MAPT: variants seen among roughly 807,000 people sequenced by gnomAD.
The protein encoded by MAPT is microtubule-associated protein tau.
Under a neutral mutation model 67.9 loss-of-function variants are expected in MAPT, and 34 were observed. That is an observed-to-expected ratio of 0.50 (90% CI 0.38 to 0.67). The LOEUF (loss-of-function observed/expected upper bound fraction) is 0.67, where lower values mean the gene tolerates loss of function less well. Among genes scored for constraint, MAPT ranks in the 30% least tolerant of loss-of-function variants. The pLI is 0.00. For missense variants in MAPT, 881 were observed against 1,115.2 expected (o/e 0.79, Z 2.99); for synonymous variants, 456 against 464.5 (o/e 0.98, Z 0.23).
At chr17:45,999,202 G>A (rs2074775266) in intron 9 of MAPT, 1 of 1,527,352 alleles carries the variant, frequency 6.5e-7, no homozygotes, top group Non-Finnish European at 8.8e-7. Flanking sequence ...AGTCTTCCTG[G>A]ATTCCCCTCT....
chr17:45,981,860 A>G (rs1042379219), intron 4 of MAPT, among the ~76,000 whole-genome samples: 1 of 151,980 alleles, frequency 6.6e-6, no homozygotes, highest in African/African-American at 2.4e-5. Context: ...ACAAAAATGA[A>G]AAATAACATT....
At chr17:45,997,627 G>A (rs1252258536) in intron 9 of MAPT, among the ~76,000 whole-genome samples, 2 of 152,128 alleles carry the variant, frequency 1.3e-5, no homozygotes, top group Non-Finnish European at 2.9e-5. Context: ...CGTGGTGGTG[G>A]TGCGCGCCTA....
intron 1 of MAPT, among the ~76,000 whole-genome samples, chr17:45,930,474 GAACA>G (rs1267564634): frequency 6.6e-6 from 1 of 151,640 alleles, no homozygotes; most frequent in African/African-American, 2.4e-5. Context: ...GGTTCCTGGA[GAACA>G]AACAGACATG....
intron 1 of MAPT, among the ~76,000 whole-genome samples, chr17:45,928,368 C>A (rs562252757): frequency 4.6e-5 from 7 of 152,314 alleles, no homozygotes; most frequent in African/African-American, 1.7e-4. Context: ...GCAGAAACAT[C>A]ACTTCCTTGG....
intron 1 of MAPT, among the ~76,000 whole-genome samples, chr17:45,937,795 A>G (rs1261064415): frequency 1.3e-5 from 2 of 152,100 alleles, no homozygotes; most frequent in African/African-American, 2.4e-5. Context: ...GGCTGCCCCT[A>G]AATAGAAAGC....
At chr17:45,922,607 TAAAGG>T (rs1039711964) in intron 1 of MAPT, among the ~76,000 whole-genome samples, 2 of 152,078 alleles carry the variant, frequency 1.3e-5, no homozygotes, top group African/African-American at 4.8e-5. Flanking sequence ...AAATTTTTCT[TAAAGG>T]AGAGGATGCC....
chr17:46,019,316 C>A (rs2076380094), intron 12 of MAPT, among the ~76,000 whole-genome samples: 1 of 152,142 alleles, frequency 6.6e-6, no homozygotes, highest in Admixed American at 6.5e-5. Flanking sequence ...CCCACTGGGT[C>A]CCTCCCATGA....
chr17:45,943,810 A>T (rs1453980041), intron 1 of MAPT, among the ~76,000 whole-genome samples: 1 of 152,152 alleles, frequency 6.6e-6, no homozygotes, highest in Non-Finnish European at 1.5e-5. Context: ...GCTGGAAGGA[A>T]TGAGGAACAG....
At chr17:46,011,081 G>T (rs2075790596) in intron 10 of MAPT, among the ~76,000 whole-genome samples, 1 of 152,264 alleles carries the variant, frequency 6.6e-6, no homozygotes, top group Non-Finnish European at 1.5e-5. Flanking sequence ...GCAGAGAAAT[G>T]CTGCTTTTGG....
rs1254185291 is a variant in MAPT, at chr17:45,996,646, C to T, written c.1980C>T (p.His660=). 6.2e-7 allele frequency: 1 copy of T among 1,613,814 alleles called. No individual in the cohort carries two copies. The highest frequency in any genetic ancestry group is 8.5e-7 in the Non-Finnish European group (1 of 1,179,920). The change falls in exon 9 of 13, where the codon CAC becomes CAT. Residue 660 remains histidine, a synonymous_variant. Transcript: ENST00000262410. This position sits in a 1 kb window ranked among gnomAD's most constrained non-coding sequence, Gnocchi z 4.5. ...SKIGSTENLK[H]QPGGGKVQII... is the part of the protein sequence containing the mutation. ...TCGGCTCCACTGAGAACCTGAAGCACCAGCCGGGAGGCGGGAAGGTGAGAG... is the reference window on the plus strand; with the variant it reads ...TCGGCTCCACTGAGAACCTGAAGCATCAGCCGGGAGGCGGGAAGGTGAGAG...
intron 11 of MAPT, among the ~76,000 whole-genome samples, chr17:46,015,638 G>A (rs558676336): frequency 8.5e-5 from 13 of 152,302 alleles, no homozygotes; most frequent in Admixed American, 3.3e-4. Flanking sequence ...CAGCCTGGGC[G>A]AGAGAGTGAG....
At chr17:45,935,732 A>G (rs577879349) in intron 1 of MAPT, among the ~76,000 whole-genome samples, 1 of 152,178 alleles carries the variant, frequency 6.6e-6, no homozygotes, top group African/African-American at 2.4e-5. Flanking sequence ...CCTTTGCCTG[A>G]TGATGGCCCT....
intron 1 of MAPT, among the ~76,000 whole-genome samples, chr17:45,927,896 A>C (rs2066495458): frequency 6.8e-6 from 1 of 146,160 alleles, no homozygotes; most frequent in African/African-American, 2.5e-5. Flanking sequence ...GCTACTCGGG[A>C]GGCTGAGGCA....
rs373469998 is a variant in MAPT, at chr17:45,995,752, G to T, written c.1733-647G>T. ...CGTGTGGACAGCTAGGGACAGGCAGGCGTGGAGCAGGCATCCTGTTCTGAA... is the reference window on the plus strand; with the variant it reads ...CGTGTGGACAGCTAGGGACAGGCAGTCGTGGAGCAGGCATCCTGTTCTGAA... On this transcript the variant is annotated intron_variant, in intron 8 of 12. Coordinates refer to ENST00000262410, the MANE Select transcript of MAPT (RefSeq NM_001377265.1). This position sits in a 1 kb window ranked among gnomAD's most constrained non-coding sequence, Gnocchi z 4.3. 1.7e-3 allele frequency among the ~76,000 whole-genome samples: 264 copies of T among 152,252 alleles called. 1 individual carries two copies. The highest frequency in any genetic ancestry group is 6.2e-3 in the African/African-American group (259 of 41,562).
intron 1 of MAPT, among the ~76,000 whole-genome samples, chr17:45,954,762 C>T (rs1486508310): frequency 2.6e-5 from 4 of 152,052 alleles, no homozygotes; most frequent in Non-Finnish European, 2.9e-5. Context: ...GGGTGGATCA[C>T]GAGGCCAGGA....
At chr17:45,944,563 G>T (rs977329241) in intron 1 of MAPT, among the ~76,000 whole-genome samples, 45 of 152,318 alleles carry the variant, frequency 3.0e-4, no homozygotes, top group African/African-American at 1.1e-3. Flanking sequence ...CCAAGCAGGG[G>T]GCCCTTCAAG....
At chr17:46,004,944 T>C (rs2075306261) in intron 9 of MAPT, among the ~76,000 whole-genome samples, 1 of 152,114 alleles carries the variant, frequency 6.6e-6, no homozygotes, top group South Asian at 2.1e-4. Flanking sequence ...CCACCACACC[T>C]GGCTAATTTT....
In MAPT at chr17:45,983,187, G is replaced by C; in HGVS notation, c.608G>C (p.Ser203Thr). ...TTAYLHTEPE[S>T]GKVVQEGFLR... ...GCGTATCTCCACACAGAGCCTGAAA[G>C]TGGTAAGGTGGTCCAGGAAGGCTTC... The change falls in exon 5 of 13, where the codon AGT becomes ACT. Residue 203 changes from serine (S) to threonine (T), a missense_variant. Transcript: ENST00000262410. The C allele has an allele frequency of 6.2e-7, 1 of 1,608,996 alleles. No individual in the cohort carries two copies. Among genetic ancestry groups the C allele is most frequent in the Non-Finnish European group, 8.5e-7 (1 of 1,178,020 alleles).
Position 45,897,341 on chromosome 17 carries a change from G to C in MAPT, c.-18+2655G>C, listed in dbSNP as rs908391251. ...TGGGGATGAGCGCATTTAGCCCAATGCTGGGAACAAAGCGCACTCCGCGCT... is the reference window on the plus strand; with the variant it reads ...TGGGGATGAGCGCATTTAGCCCAATCCTGGGAACAAAGCGCACTCCGCGCT... On this transcript the variant is annotated intron_variant, in intron 1 of 12. Coordinates refer to ENST00000262410, the MANE Select transcript of MAPT (RefSeq NM_001377265.1). This position sits in a 1 kb window ranked among gnomAD's most constrained non-coding sequence, Gnocchi z 5.0. 6.6e-6 allele frequency: 1 copy of C among 152,276 alleles called. No individual in the cohort carries two copies. Among genetic ancestry groups the C allele is most frequent in the African/African-American group, 2.4e-5 (1 of 41,462 alleles). The allele number at this position is 152,276 out of a possible 1,614,324, so 9.4% of individuals were successfully genotyped here. A position where few individuals can be genotyped will look rare whatever the true frequency, so the allele number is the denominator to read the frequency against.
Sources: gnomAD v4.1 joint callset for allele counts (sites outside exome capture counted in the v4.1 genomes callset) on GRCh38, gnomAD v4.1.1 for gene constraint, Gnocchi (gnomAD v3.1) non-coding constraint, MANE v1.5 for transcripts, NCBI Gene and HGNC (gene_info 2026-07-23, HGNC 2026-07-21) for gene names.